Variants in ARHGAP31 observed in about 807,000 individuals in gnomAD.
ARHGAP31 encodes the protein rho GTPase-activating protein 31.
ARHGAP31 carries 34 observed loss-of-function variants against 113.9 expected under a neutral mutation model. That is an observed-to-expected ratio of 0.30 (90% CI 0.23 to 0.40). ARHGAP31 has a LOEUF of 0.40. Ranked by LOEUF, ARHGAP31 falls within the 10% of genes least tolerant of loss-of-function variation. The pLI, the probability that ARHGAP31 is intolerant of heterozygous loss-of-function variation, is 1.00. For missense variants in ARHGAP31, 1,548 were observed against 1,767.1 expected (o/e 0.88, Z 2.22); for synonymous variants, 650 against 684.8 (o/e 0.95, Z 0.79).
At chr3:119,380,478 T>G (rs138903204) in intron 3 of ARHGAP31, among the ~76,000 whole-genome samples, 2 of 152,190 alleles carry the variant, frequency 1.3e-5, no homozygotes, top group African/African-American at 4.8e-5. Context: ...TCCAAACTCT[T>G]GTGCTCAAGC....
intron 1 of ARHGAP31, among the ~76,000 whole-genome samples, chr3:119,298,467 A>G (rs900616363): frequency 6.6e-6 from 1 of 152,076 alleles, no homozygotes; most frequent in Non-Finnish European, 1.5e-5. Flanking sequence ...TCATATGCCA[A>G]GTGTTCTGGG....
intron 1 of ARHGAP31, chr3:119,314,526 G>A (rs558273763): frequency 1.3e-5 from 2 of 152,662 alleles, no homozygotes; most frequent in Admixed American, 6.5e-5. Flanking sequence ...GAGTGGCTGG[G>A]TCCAGAGAAG....
intron 6 of ARHGAP31, 136 bp downstream of exon 6, chr3:119,383,362 T>G (rs1375336514): frequency 5.2e-6 from 6 of 1,158,142 alleles, no homozygotes; most frequent in Non-Finnish European, 7.7e-6. Flanking sequence ...CTACTGTGTG[T>G]CAGTGTCTGA....
chr3:119,329,778 G>C (rs2079875264), intron 1 of ARHGAP31: 7 of 984,760 alleles, frequency 7.1e-6, no homozygotes, highest in Non-Finnish European at 7.2e-6. Flanking sequence ...ACAGTGCCCA[G>C]TGAAAGGACA....
chr3:119,384,125 T>C (rs1186654903), intron 6 of ARHGAP31, among the ~76,000 whole-genome samples: 1 of 152,204 alleles, frequency 6.6e-6, no homozygotes, highest in East Asian at 1.9e-4. Flanking sequence ...AAAGAACTCC[T>C]TTCCAGTTCA....
At chr3:119,339,353 A>G (rs755733712) in intron 1 of ARHGAP31, among the ~76,000 whole-genome samples, 5 of 152,232 alleles carry the variant, frequency 3.3e-5, no homozygotes, top group African/African-American at 4.8e-5. Context: ...TAAGCTGACT[A>G]TAAGTTTAAT....
At chr3:119,362,189 A>G (rs1394418140) in intron 1 of ARHGAP31, among the ~76,000 whole-genome samples, 1 of 152,156 alleles carries the variant, frequency 6.6e-6, no homozygotes, top group Non-Finnish European at 1.5e-5. Flanking sequence ...TTAGAGTCCA[A>G]GGCTTTTGTG....
chr3:119,336,058 C>T (rs555793315), intron 1 of ARHGAP31, among the ~76,000 whole-genome samples: 1 of 152,176 alleles, frequency 6.6e-6, no homozygotes, highest in East Asian at 1.9e-4. Flanking sequence ...GCCTACAATC[C>T]CAGCTACTCT....
At chr3:119,350,709 G>C (rs1477482312) in intron 1 of ARHGAP31, among the ~76,000 whole-genome samples, 2 of 152,156 alleles carry the variant, frequency 1.3e-5, no homozygotes, top group Admixed American at 1.3e-4. Context: ...CATAGCAAAG[G>C]AGATATGTAT....
intron 1 of ARHGAP31, chr3:119,329,744 G>T: frequency 1.0e-6 from 1 of 954,250 alleles, no homozygotes; most frequent in Non-Finnish European, 1.2e-6. Context: ...CTTCCTGCCC[G>T]CTCACAGAGC....
At chr3:119,379,144 A>G (rs765269365) in intron 3 of ARHGAP31, among the ~76,000 whole-genome samples, 2 of 152,266 alleles carry the variant, frequency 1.3e-5, no homozygotes, top group Non-Finnish European at 2.9e-5. Flanking sequence ...GCTGTCTCAC[A>G]CCTACTGTGT....
At position 119,304,505 on chromosome 3, in the gene ARHGAP31, C is replaced by G. The variant is rs1359051856; in HGVS notation, c.100+9501C>G. 2.0e-5 allele frequency among the ~76,000 whole-genome samples: 3 copies of G among 152,114 alleles called. No homozygotes were observed. In the East Asian group the frequency reaches 5.8e-4, roughly 29 times the overall value. Reference sequence around the variant, plus strand: ...TGCCTGACACTTGGAATTGGTCACACCCTTCTGCACCCTGGGGAAGAAGGG... The same window carrying G: ...TGCCTGACACTTGGAATTGGTCACAGCCTTCTGCACCCTGGGGAAGAAGGG... On this transcript the variant is annotated intron_variant, in intron 1 of 11. Transcript: ENST00000264245.
chr3:119,341,078 T>G (rs530076828), intron 1 of ARHGAP31, among the ~76,000 whole-genome samples: 48 of 152,192 alleles, frequency 3.2e-4, no homozygotes, highest in African/African-American at 1.1e-3. Context: ...ATTTGCTGAA[T>G]GAAAAAAATG....
intron 5 of ARHGAP31, among the ~76,000 whole-genome samples, chr3:119,382,804 G>A (rs2080413546): frequency 6.6e-6 from 1 of 152,154 alleles, no homozygotes; most frequent in Non-Finnish European, 1.5e-5. Context: ...GGAGTGGAAA[G>A]GCATACTATA....
Position 119,356,478 on chromosome 3 carries a change from A to T in ARHGAP31, c.101-8838A>T, listed in dbSNP as rs141138155. Among the ~76,000 whole-genome samples the T allele has an allele frequency of 3.2e-3, 482 of 152,100 alleles. 4 individuals carry two copies. Among genetic ancestry groups the T allele is most frequent in the African/African-American group, 0.011 (467 of 41,484 alleles). On this transcript the variant is annotated intron_variant, in intron 1 of 11. Transcript: ENST00000264245. ...AAACCCAGTCTCCACTAAAAATACA[A>T]AAATTAGCCAGGTGTGGTGGCACAC... is the stretch of plus-strand genomic sequence containing the variant.
chr3:119,388,346 G>C (rs2080473012), intron 6 of ARHGAP31, among the ~76,000 whole-genome samples: 2 of 118,226 alleles, frequency 1.7e-5, no homozygotes, highest in African/African-American at 3.2e-5. Flanking sequence ...TAAAATGTTT[G>C]CTATATTTTT....
Position 119,418,476 on chromosome 3 carries a change from T to C in ARHGAP31, c.*2212T>C, listed in dbSNP as rs2107649205. ...GATAAGGACCATGTTCCAGTTAGAA[T>C]GCGAGGGAGGGAAAGAGCTGCACTT... is the stretch of plus-strand genomic sequence containing the variant. On this transcript the variant is annotated 3_prime_UTR_variant, in exon 12 of 12. Transcript: ENST00000264245. 1 of 152,316 alleles carries C rather than the reference T, an allele frequency of 6.6e-6. No individual in the cohort carries two copies. Among genetic ancestry groups the C allele is most frequent in the East Asian group, 1.9e-4 (1 of 5,182 alleles). 9.4% of individuals were successfully genotyped at this position (152,316 alleles called of 1,614,324 possible).
At chr3:119,305,591 T>C (rs1282429519) in intron 1 of ARHGAP31, among the ~76,000 whole-genome samples, 1 of 152,230 alleles carries the variant, frequency 6.6e-6, no homozygotes, top group South Asian at 2.1e-4. Flanking sequence ...TTGGCGACAA[T>C]TGTTGGCTTT....
intron 1 of ARHGAP31, among the ~76,000 whole-genome samples, chr3:119,325,592 G>A (rs2079833620): frequency 6.6e-6 from 1 of 151,530 alleles, no homozygotes; most frequent in Non-Finnish European, 1.5e-5. Flanking sequence ...GAGAAAGGGT[G>A]GAGGGGAAGC....
Sources: allele counts gnomAD v4.1 joint callset (sites outside exome capture counted in the v4.1 genomes callset), GRCh38; gene constraint gnomAD v4.1.1; transcripts MANE v1.5; gene names NCBI Gene and HGNC (gene_info 2026-07-23, HGNC 2026-07-21).